DGKG: variants seen among roughly 807,000 people sequenced by gnomAD.
DGKG encodes the protein diacylglycerol kinase gamma, also known as DAG kinase gamma.
Under a neutral mutation model 105.3 loss-of-function variants are expected in DGKG, and 78 were observed. That is an observed-to-expected ratio of 0.74 (90% confidence interval 0.62 to 0.89). The LOEUF (loss-of-function observed/expected upper bound fraction) is 0.89. DGKG is among the 40% of genes least tolerant of loss of function. The pLI is 0.00. For synonymous variants in DGKG, 346 were observed against 367.1 expected (o/e 0.94, Z 0.66); for missense variants, 958 against 1,020.1 (o/e 0.94, Z 0.83).
Position 186,352,674 on chromosome 3 carries a change from C to A in DGKG, c.-249+9272G>T, listed in dbSNP as rs554635024. ...CTTTGGCTTCTCTGCCTCCCTCAGCCCCCTCACATACACTCAGTTACAAGT... is the reference window on the plus strand; with the variant it reads ...CTTTGGCTTCTCTGCCTCCCTCAGCACCCTCACATACACTCAGTTACAAGT... On this transcript the variant is annotated intron_variant, in intron 1 of 24. Coordinates refer to ENST00000265022, the MANE Select transcript of DGKG (RefSeq NM_001346.3). Among the ~76,000 whole-genome samples the A allele has an allele frequency of 2.5e-4, 38 of 152,260 alleles. 3 individuals are homozygous for A. In the East Asian group the frequency reaches 2.5e-3, roughly 10 times the overall value.
chr3:186,311,404 C>T (rs1434435646), intron 2 of DGKG, among the ~76,000 whole-genome samples: 1 of 152,144 alleles, frequency 6.6e-6, no homozygotes, highest in Non-Finnish European at 1.5e-5. Flanking sequence ...GAACTCTACC[C>T]AACAGGTCAA....
At chr3:186,255,719 C>G (rs546811963) in intron 17 of DGKG, among the ~76,000 whole-genome samples, 2 of 152,290 alleles carry the variant, frequency 1.3e-5, no homozygotes, top group African/African-American at 4.8e-5. Context: ...ATAATGGAAG[C>G]CACTGGTGTG....
At chr3:186,294,353 A>G (rs975634462) in intron 5 of DGKG, among the ~76,000 whole-genome samples, 9 of 152,086 alleles carry the variant, frequency 5.9e-5, no homozygotes, top group Non-Finnish European at 7.4e-5. Context: ...AGTTCCAGAT[A>G]AAATAAACCC....
chr3:186,165,051 A>G (rs1431777303), intron 22 of DGKG, 33 bp from the exon 23 acceptor site: 5 of 1,599,004 alleles, frequency 3.1e-6, no homozygotes, highest in Non-Finnish European at 4.3e-6. Flanking sequence ...TAGTGCATAC[A>G]CATCTCTGTG....
intron 1 of DGKG, among the ~76,000 whole-genome samples, chr3:186,359,768 C>T (rs1056249099): frequency 6.6e-6 from 1 of 152,030 alleles, no homozygotes; most frequent in African/African-American, 2.4e-5. Flanking sequence ...GGAAATATGC[C>T]AGTATATTAA....
intron 17 of DGKG, among the ~76,000 whole-genome samples, chr3:186,255,364 C>T (rs1328889945): frequency 1.3e-5 from 2 of 152,232 alleles, no homozygotes; most frequent in Non-Finnish European, 2.9e-5. Flanking sequence ...CATCATTTCA[C>T]ATTCACGTTG....
intron 1 of DGKG, among the ~76,000 whole-genome samples, chr3:186,330,534 T>C (rs1560158435): frequency 6.6e-6 from 1 of 152,142 alleles, no homozygotes; most frequent in Non-Finnish European, 1.5e-5. Flanking sequence ...CACTTCTGAG[T>C]TCCTAAGGGC....
chr3:186,168,513 G>A lies in DGKG; in HGVS notation c.2096-3495C>T, dbSNP rs549197473. Reference sequence around the variant, plus strand: ...CTCCAGGAAATGCAAATCTGATTATGTCATCCCCATATGAAAAATCCTCAG... The same window carrying A: ...CTCCAGGAAATGCAAATCTGATTATATCATCCCCATATGAAAAATCCTCAG... On this transcript the variant is annotated intron_variant, in intron 22 of 24. Transcript: ENST00000265022. Among the ~76,000 whole-genome samples, 3 of 152,328 alleles carry A rather than the reference G, an allele frequency of 2.0e-5. No individual in the cohort carries two copies. The South Asian group carries it at 6.2e-4, about 32-fold the overall frequency.
intron 1 of DGKG, among the ~76,000 whole-genome samples, chr3:186,355,051 A>G (rs1395337542): frequency 1.3e-5 from 2 of 152,082 alleles, no homozygotes; most frequent in African/African-American, 2.4e-5. Flanking sequence ...ACAGTGTGCA[A>G]TTGAGGTAAT....
intron 24 of DGKG, chr3:186,159,880 G>A (rs757216718): frequency 6.6e-6 from 1 of 152,176 alleles, no homozygotes; most frequent in Admixed American, 6.6e-5. Context: ...CCTTAGAACT[G>A]GTGTCCTTAT....
At chr3:186,327,728 C>T (rs1249906998) in intron 1 of DGKG, among the ~76,000 whole-genome samples, 3 of 151,982 alleles carry the variant, frequency 2.0e-5, no homozygotes, top group Admixed American at 2.0e-4. Flanking sequence ...CTTTCTAATA[C>T]AAAAGGTAGC....
chr3:186,295,824 G>C (rs1020393645), intron 5 of DGKG, among the ~76,000 whole-genome samples: 1 of 151,952 alleles, frequency 6.6e-6, no homozygotes, highest in Non-Finnish European at 1.5e-5. Context: ...GTTAAGAATA[G>C]AGTATACTTC....
chr3:186,275,693 A>C (rs1722548278), intron 9 of DGKG, 29 bp from the exon 10 acceptor site: 1 of 1,570,016 alleles, frequency 6.4e-7, no homozygotes, highest in Admixed American at 1.7e-5. Context: ...GTGAGACCCC[A>C]AGCTGGCTGC....
At chr3:186,245,004 C>T (rs1200244629) in intron 19 of DGKG, among the ~76,000 whole-genome samples, 3 of 152,024 alleles carry the variant, frequency 2.0e-5, no homozygotes, top group African/African-American at 7.3e-5. Flanking sequence ...TAATTTTCGT[C>T]TGTCAGGAAA....
intron 20 of DGKG, among the ~76,000 whole-genome samples, chr3:186,242,011 C>G (rs1159802858): frequency 6.6e-6 from 1 of 152,108 alleles, no homozygotes; most frequent in Admixed American, 6.5e-5. Flanking sequence ...CCTCTGCTGT[C>G]GGGGGAGGCA....
intron 19 of DGKG, among the ~76,000 whole-genome samples, chr3:186,250,708 C>T (rs377176342): frequency 2.2e-4 from 33 of 151,890 alleles, no homozygotes; most frequent in African/African-American, 7.5e-4. Flanking sequence ...CACCACCACG[C>T]TCGGCTAATT....
rs1352238327 is a variant in DGKG, at chr3:186,149,817, T to C, written c.*273A>G. 4 of 1,159,728 alleles carry C rather than the reference T, an allele frequency of 3.4e-6. No individual in the cohort carries two copies. The highest frequency in any genetic ancestry group is 1.6e-5 in the African/African-American group (1 of 62,152). The allele number at this position is 1,159,728 out of a possible 1,614,324, so 71.8% of individuals were successfully genotyped here. Reference sequence around the variant, plus strand: ...CTCAAGGCCTGTGGGAATGTGGAGGTTGCTGCCTAAGCCAGCCACAACCTC... The same window carrying C: ...CTCAAGGCCTGTGGGAATGTGGAGGCTGCTGCCTAAGCCAGCCACAACCTC... On this transcript the variant is annotated 3_prime_UTR_variant, in exon 25 of 25. Transcript: ENST00000265022.
chr3:186,211,910 C>T (rs1560097627), intron 20 of DGKG, 25 bp from the exon 21 acceptor site: 2 of 1,567,038 alleles, frequency 1.3e-6, no homozygotes, highest in Non-Finnish European at 1.8e-6. Flanking sequence ...AGAGAGATGT[C>T]TCAATATTCC....
At chr3:186,180,542 A>G (rs555231350) in intron 22 of DGKG, among the ~76,000 whole-genome samples, 1 of 152,102 alleles carries the variant, frequency 6.6e-6, no homozygotes, top group African/African-American at 2.4e-5. Flanking sequence ...TTAAATGCAA[A>G]CTTTTTAGGA....
Sources: gnomAD v4.1 joint callset for allele counts (sites outside exome capture counted in the v4.1 genomes callset) on GRCh38, gnomAD v4.1.1 for gene constraint, MANE v1.5 for transcripts, NCBI Gene and HGNC (gene_info 2026-07-23, HGNC 2026-07-21) for gene names.